The following RREB1 variants were observed in gnomAD, a reference collection of about 807,000 sequenced individuals.
RREB1 encodes ras-responsive element-binding protein 1.
A neutral mutation model predicts 117.8 loss-of-function variants in RREB1; 27 were observed. The observed-to-expected ratio is 0.23, with a 90% CI of 0.17 to 0.32. The LOEUF (loss-of-function observed/expected upper bound fraction) is 0.32, where lower values mean the gene tolerates loss of function less well. Ranked by LOEUF, RREB1 falls within the 10% of genes least tolerant of loss-of-function variation. The probability of loss-of-function intolerance (pLI) is 1.00; values close to 1 mark genes in which losing one functional copy is unlikely to be tolerated. For missense variants in RREB1, 2,577 were observed against 2,378.2 expected, an observed-to-expected ratio of 1.08 and a Z score of -1.74; for synonymous variants, 1,298 against 1,026.7, an observed-to-expected ratio of 1.26 and a Z score of -5.05.
rs1448311520 is a variant in RREB1, at chr6:7,181,966, A to T, written c.55A>T (p.Thr19Ser). Residue 19 changes from threonine to serine, a missense_variant, in exon 4 of 13, where the codon ACC becomes TCC. By Grantham distance (58) the Thr-to-Ser change is moderately conservative. Coordinates refer to ENST00000379938, the MANE Select transcript of RREB1 (RefSeq NM_001003699.4). Reference protein sequence around the residue: ...LEGSDLSSINTMMSAVMSVGK... With the variant: ...LEGSDLSSINSMMSAVMSVGK... Reference sequence around the variant, plus strand: ...AGGTTCAGACCTATCTTCCATCAACACCATGATGTCGGCGGTCATGAGTGT... The same window carrying T: ...AGGTTCAGACCTATCTTCCATCAACTCCATGATGTCGGCGGTCATGAGTGT... The T allele has an allele frequency of 6.2e-7, 1 of 1,614,140 alleles. No homozygotes were observed. The highest frequency in any genetic ancestry group is 1.1e-5 in the South Asian group (1 of 91,084).
At chr6:7,120,679 T>C (rs866722037) in intron 1 of RREB1, among the ~76,000 whole-genome samples, 1 of 151,776 alleles carries the variant, frequency 6.6e-6, no homozygotes, top group Non-Finnish European at 1.5e-5. Flanking sequence ...ACACCTATTT[T>C]TTTTTTTTTT....
intron 1 of RREB1, among the ~76,000 whole-genome samples, chr6:7,163,123 A>G (rs182024113): frequency 2.2e-4 from 34 of 152,350 alleles, no homozygotes; most frequent in Non-Finnish European, 3.8e-4. Flanking sequence ...TGAAAGGACT[A>G]TTCTTCCCTT....
At chr6:7,125,894 T>A (rs560214505) in intron 1 of RREB1, among the ~76,000 whole-genome samples, 1 of 152,186 alleles carries the variant, frequency 6.6e-6, no homozygotes, top group South Asian at 2.1e-4. Context: ...TGTGAGGGCA[T>A]CGGAGCAAGT....
rs371245632 is a variant in RREB1 at position 7,229,385 on chromosome 6, C to G, written c.1286C>G (p.Ala429Gly). 6.2e-7 allele frequency: 1 copy of G among 1,613,996 alleles called. No homozygotes were observed. The highest frequency in any genetic ancestry group is 1.3e-5 in the African/African-American group (1 of 74,934). The change falls in exon 10 of 13, where the codon GCG becomes GGG. Residue 429 changes from alanine (A) to glycine (G), a missense_variant. Transcript: ENST00000379938. This position sits in a 1 kb window ranked among gnomAD's most constrained non-coding sequence, Gnocchi z 4.5. ...SLGGSLTVLP[A>G]TKDSIKHLSL... The stretch of plus-strand genomic sequence containing the variant: ...GGCGGTTCTCTCACAGTTCTCCCCG[C>G]GACCAAGGACAGCATAAAGCACCTG...
chr6:7,147,477 G>T (rs753125891), intron 1 of RREB1, among the ~76,000 whole-genome samples: 3 of 151,986 alleles, frequency 2.0e-5, no homozygotes, highest in Admixed American at 6.6e-5. Context: ...GGAAAAGATG[G>T]TTTCCGTGCT....
chr6:7,194,447 A>T (rs1765569901), intron 6 of RREB1, among the ~76,000 whole-genome samples: 1 of 152,146 alleles, frequency 6.6e-6, no homozygotes, highest in African/African-American at 2.4e-5. Flanking sequence ...GCTCCTCAGG[A>T]GGCTGAGGCA....
Position 7,248,924 on chromosome 6 carries a change from C to T in RREB1, c.5185C>T (p.Leu1729=). Residue 1729 remains leucine, a synonymous_variant, in exon 13 of 13, where the codon CTG becomes TTG. Coordinates refer to ENST00000379938, the MANE Select transcript of RREB1 (RefSeq NM_001003699.4). ...PRSKRPAHPI[L]ATADGASQLV... The stretch of plus-strand genomic sequence containing the variant: ...CAGCAAGAGGCCTGCCCACCCAATC[C>T]TGGCCACAGCTGATGGCGCCTCCCA... 1 of 1,523,804 alleles carries T rather than the reference C, an allele frequency of 6.6e-7. No individual in the cohort carries two copies. The highest frequency in any genetic ancestry group is 8.8e-7 in the Non-Finnish European group (1 of 1,137,194). 94.4% of individuals were successfully genotyped at this position (1,523,804 alleles called of 1,614,324 possible). A position where few individuals can be genotyped will look rare whatever the true frequency, so the allele number is the denominator to read the frequency against.
At chr6:7,228,811 T>C (rs1165866482) in intron 9 of RREB1, among the ~76,000 whole-genome samples, 186 bp from the exon 10 acceptor site, 2 of 151,916 alleles carry the variant, frequency 1.3e-5, no homozygotes, top group African/African-American at 4.8e-5. Flanking sequence ...CCTGGCTAAT[T>C]TTTTTTTATT....
intron 5 of RREB1, 116 bp from the exon 6 acceptor site, chr6:7,189,043 C>A: frequency 1.0e-6 from 1 of 976,418 alleles, no homozygotes. Flanking sequence ...GAAAGAGAAA[C>A]ACATAGCCAA....
chr6:7,247,718 A>G (rs1447764051), intron 12 of RREB1, among the ~76,000 whole-genome samples: 5 of 152,308 alleles, frequency 3.3e-5, no homozygotes, highest in Non-Finnish European at 7.4e-5. Context: ...TGACTGGGAC[A>G]GGACCCTTAG....
chr6:7,131,593 C>G (rs927235079), intron 1 of RREB1, among the ~76,000 whole-genome samples: 6 of 152,156 alleles, frequency 3.9e-5, no homozygotes, highest in South Asian at 2.1e-4. Context: ...CCAGTGTACT[C>G]CAATACAAGT....
chr6:7,248,663 A>G lies in RREB1; in HGVS notation c.4924A>G (p.Asn1642Asp), dbSNP rs1032809847. Reference protein sequence around the residue: ...KEERGEEDSENESTHSGNNAV... With the variant: ...KEERGEEDSEDESTHSGNNAV... Reference sequence around the variant, plus strand: ...AGAGCGGGGTGAGGAGGACAGCGAGAATGAGTCCACCCACAGCGGCAACAA... The same window carrying G: ...AGAGCGGGGTGAGGAGGACAGCGAGGATGAGTCCACCCACAGCGGCAACAA... The change falls in exon 13 of 13, where the codon AAT becomes GAT. Residue 1642 changes from asparagine (N) to aspartate (D), a missense_variant. Asn to Asp is a conservative substitution (Grantham distance 23). Coordinates refer to ENST00000379938, the MANE Select transcript of RREB1 (RefSeq NM_001003699.4). 37 of 1,614,114 alleles carry G rather than the reference A, an allele frequency of 2.3e-5. No homozygotes were observed. The highest frequency in any genetic ancestry group is 3.1e-5 in the Non-Finnish European group (37 of 1,180,018).
chr6:7,141,520 T>C (rs953078569), intron 1 of RREB1, among the ~76,000 whole-genome samples: 1 of 152,194 alleles, frequency 6.6e-6, no homozygotes, highest in African/African-American at 2.4e-5. Flanking sequence ...GTGACCACTT[T>C]TAAATTTTCA....
rs1469851927 is a variant in RREB1 at position 7,248,547 on chromosome 6, C to A, written c.4808C>A (p.Thr1603Asn). The A allele has an allele frequency of 5.6e-6, 9 of 1,614,150 alleles. No homozygotes were observed. The highest frequency in any genetic ancestry group is 5.0e-5 in the Admixed American group (3 of 60,016). ...TACAAATGTCAGACCTGCGAGCGAA[C>A]CTTCACCTTGAAGCACAGCCTGGTT... Reference protein sequence around the residue: ...RPYKCQTCERTFTLKHSLVRH... With the variant: ...RPYKCQTCERNFTLKHSLVRH... The change falls in exon 13 of 13, where the codon ACC becomes AAC. Residue 1603 changes from threonine (T) to asparagine (N), a missense_variant. Physicochemically the swap from Thr to Asn is moderately conservative, Grantham distance 65. Transcript: ENST00000379938.
chr6:7,197,331 T>G (rs896509265), intron 6 of RREB1, among the ~76,000 whole-genome samples: 3 of 152,240 alleles, frequency 2.0e-5, no homozygotes, highest in African/African-American at 7.2e-5. Flanking sequence ...AGGGCATGCT[T>G]AAGACCCTGG....
chr6:7,179,609 A>C (rs757993973), intron 2 of RREB1, among the ~76,000 whole-genome samples: 17 of 152,214 alleles, frequency 1.1e-4, no homozygotes, highest in South Asian at 2.1e-4. Context: ...TTATGAATCA[A>C]GTATGTAATT....
chr6:7,160,020 T>A (rs977480758), intron 1 of RREB1, among the ~76,000 whole-genome samples: 1 of 152,108 alleles, frequency 6.6e-6, no homozygotes, highest in Non-Finnish European at 1.5e-5. Flanking sequence ...AAACAATGCC[T>A]ACTGTGTGCC....
chr6:7,192,352 C>T (rs1192688301), intron 6 of RREB1, among the ~76,000 whole-genome samples: 1 of 151,844 alleles, frequency 6.6e-6, no homozygotes, highest in Non-Finnish European at 1.5e-5. Flanking sequence ...ACCACCACTC[C>T]TGGCTAATTT....
intron 1 of RREB1, among the ~76,000 whole-genome samples, chr6:7,170,175 A>G (rs1029216210): frequency 1.8e-4 from 27 of 152,194 alleles, no homozygotes; most frequent in Non-Finnish European, 3.4e-4. Flanking sequence ...CCAGCGGGGT[A>G]TTTGAAACCT....
Sources: allele counts gnomAD v4.1 joint callset (sites outside exome capture counted in the v4.1 genomes callset), GRCh38; gene constraint gnomAD v4.1.1; non-coding constraint Gnocchi (gnomAD v3.1); transcripts MANE v1.5; gene names NCBI Gene and HGNC (gene_info 2026-07-23, HGNC 2026-07-21).